Variants in WASF3 observed in about 807,000 individuals in gnomAD.
WASF3 encodes actin-binding protein WASF3.
A neutral mutation model predicts 46.6 loss-of-function variants in WASF3; 11 were observed. The observed-to-expected ratio is 0.24, with a 90% confidence interval of 0.15 to 0.39. The LOEUF is 0.39. Ranked by LOEUF, WASF3 falls within the 10% of genes least tolerant of loss-of-function variation. The pLI, the probability that WASF3 is intolerant of heterozygous loss-of-function variation, is 1.00. For missense variants in WASF3, 576 were observed against 669.8 expected (o/e 0.86, Z 1.55); for synonymous variants, 242 against 259.7 (o/e 0.93, Z 0.65).
In WASF3 at chr13:26,681,119, A is replaced by G; in HGVS notation, c.782A>G (p.Gln261Arg). 6.2e-7 allele frequency: 1 copy of G among 1,614,156 alleles called. No individual in the cohort carries two copies. The highest frequency in any genetic ancestry group is 8.5e-7 in the Non-Finnish European group (1 of 1,180,024). The change falls in exon 8 of 10, where the codon CAG (glutamine) becomes CGG (arginine). Residue 261 changes from glutamine to arginine, a missense_variant. By Grantham distance (43) the Gln-to-Arg change is conservative. Around this residue, in one of 3 missense-constraint regions of WASF3, gnomAD observed 295 missense variants for 291.5 expected, o/e 1.01. Transcript: ENST00000335327. ...ACTCCCAACCATTCTCTGCACCCCC[A>G]GCCTGTGACCCCTTCCTATGCAGCT... Reference protein sequence around the residue: ...PATPNHSLHPQPVTPSYAAGD... With the variant: ...PATPNHSLHPRPVTPSYAAGD...
chr13:26,627,675 C>G (rs140447743), intron 2 of WASF3, among the ~76,000 whole-genome samples: 101 of 152,168 alleles, frequency 6.6e-4, no homozygotes, highest in African/African-American at 2.4e-3. Context: ...GTAAAATTAG[C>G]TACCCAAGTT....
At chr13:26,557,076 T>C (rs529958574), upstream of WASF3, among the ~76,000 whole-genome samples, 6 of 152,334 alleles carry the variant, frequency 3.9e-5, no homozygotes, top group Admixed American at 2.6e-4. Flanking sequence ...CAGGGATATC[T>C]TAGTTTTAAT....
In WASF3 at chr13:26,682,502, C is replaced by A; in HGVS notation, c.984-105C>A. 1 of 1,357,284 alleles carries A rather than the reference C, an allele frequency of 7.4e-7. No homozygotes were observed. Among genetic ancestry groups the A allele is most frequent in the Non-Finnish European group, 1.0e-6 (1 of 971,142 alleles). 84.1% of individuals were successfully genotyped at this position (1,357,284 alleles called of 1,614,324 possible). ...CCTGCCATGATTGAAGTTCAGGTGA[C>A]AATACGTGTTGTGTCTGGGGATGGC... On this transcript the variant is annotated intron_variant, in intron 8 of 9. Transcript: ENST00000335327. The surrounding 1 kb of genome is among the most constrained non-coding windows in gnomAD (Gnocchi z 4.4).
At chr13:26,683,470 G>A (rs1213452018) in intron 9 of WASF3, among the ~76,000 whole-genome samples, 6 of 131,100 alleles carry the variant, frequency 4.6e-5, no homozygotes, top group African/African-American at 1.4e-4. Flanking sequence ...AGCGAGACCC[G>A]TCTCAAAAAA....
At chr13:26,633,150 G>C (rs1218745534) in intron 2 of WASF3, among the ~76,000 whole-genome samples, 2 of 147,738 alleles carry the variant, frequency 1.4e-5, no homozygotes, top group African/African-American at 5.0e-5. Context: ...TTTTTTGAAG[G>C]ATTTCTTGTG....
intron 1 of WASF3, among the ~76,000 whole-genome samples, chr13:26,584,609 A>G (rs1367050926): frequency 1.3e-5 from 2 of 152,230 alleles, no homozygotes; most frequent in Non-Finnish European, 2.9e-5. Context: ...CTTTGTAATT[A>G]CGAGGTAAAA....
At position 26,665,143 on chromosome 13, in the gene WASF3, G is replaced by A. The variant is rs761925481; in HGVS notation, c.249G>A (p.Leu83=). ...IDRLAVKVTQ[L]DSTVEEVSLQ... ...GCCTTGCTGTCAAAGTCACCCAGCT[G>A]GATTCAACAGTGGAAGAGGGTAGGT... Residue 83 remains leucine (L), a synonymous_variant, in exon 4 of 10, where the codon CTG becomes CTA. Coordinates refer to ENST00000335327, the MANE Select transcript of WASF3 (RefSeq NM_006646.6). The A allele has an allele frequency of 1.2e-5, 19 of 1,613,842 alleles. No homozygotes were observed. The highest frequency in any genetic ancestry group is 8.5e-7 in the Non-Finnish European group (1 of 1,179,998).
intron 1 of WASF3, among the ~76,000 whole-genome samples, chr13:26,567,338 C>T (rs1475997291): frequency 1.3e-5 from 2 of 152,016 alleles, no homozygotes; most frequent in Admixed American, 1.3e-4. Context: ...GCTTTAGAGA[C>T]CGAGAGAGAT....
intron 1 of WASF3, among the ~76,000 whole-genome samples, chr13:26,590,564 C>T (rs569069902): frequency 9.3e-4 from 142 of 152,238 alleles, no homozygotes; most frequent in Non-Finnish European, 1.6e-3. Flanking sequence ...TAAGCCCAGG[C>T]AGATCTCAAT....
At chr13:26,557,665 G>A (rs947061754), upstream of WASF3, 1 of 160,334 alleles carries the variant, frequency 6.2e-6, no homozygotes. Context: ...CCCGCCGGGA[G>A]GGGGCGTGGC....
At chr13:26,658,599 C>G (rs570555807) in intron 3 of WASF3, among the ~76,000 whole-genome samples, 208 of 152,324 alleles carry the variant, frequency 1.4e-3, no homozygotes, top group African/African-American at 3.9e-3. Flanking sequence ...CTGCCTTGAG[C>G]AGGAAGCATT....
At chr13:26,658,175 A>T (rs1467496764) in intron 3 of WASF3, among the ~76,000 whole-genome samples, 1 of 152,116 alleles carries the variant, frequency 6.6e-6, no homozygotes, top group African/African-American at 2.4e-5. Flanking sequence ...TGTCCCTATT[A>T]ATTAGTTTTC....
At chr13:26,548,542 A>C in the WASF3 span, among the ~76,000 whole-genome samples, 1 of 152,194 alleles carries the variant, frequency 6.6e-6, no homozygotes, top group Admixed American at 6.5e-5. Flanking sequence ...CACAAAGTAC[A>C]CAGAAGCTCT....
chr13:26,640,227 G>C (rs1881954888), intron 2 of WASF3: 1 of 152,054 alleles, frequency 6.6e-6, no homozygotes. Flanking sequence ...TTCAACATGA[G>C]ATTTGGAGAG....
At chr13:26,639,267 A>G (rs1246720148) in intron 2 of WASF3, among the ~76,000 whole-genome samples, 3 of 152,228 alleles carry the variant, frequency 2.0e-5, no homozygotes, top group Non-Finnish European at 4.4e-5. Flanking sequence ...GTATTTATAC[A>G]GGCATAGGAG....
chr13:26,594,562 T>TACTGCCCTGTTGTAGCTCCTGTATC (rs1439173237), intron 1 of WASF3, among the ~76,000 whole-genome samples: 23 of 152,208 alleles, frequency 1.5e-4, no homozygotes, highest in African/African-American at 5.6e-4. Flanking sequence ...ACGATTGTAT[T>TACTGCCCTGTTGTAGCTCCTGTATC]ACTGCCCTGT....
At chr13:26,632,875 T>A (rs996567007) in intron 2 of WASF3, among the ~76,000 whole-genome samples, 2 of 152,200 alleles carry the variant, frequency 1.3e-5, no homozygotes, top group African/African-American at 2.4e-5. Flanking sequence ...AGTCAGAGAT[T>A]CAACTTCTTC....
At chr13:26,549,204 T>C in the WASF3 span, among the ~76,000 whole-genome samples, 17 of 152,094 alleles carry the variant, frequency 1.1e-4, no homozygotes, top group African/African-American at 4.1e-4. Context: ...ATGGTCTCGA[T>C]CTCCTGACCT....
chr13:26,554,464 C>G (rs1879056640), upstream of WASF3, among the ~76,000 whole-genome samples: 1 of 152,060 alleles, frequency 6.6e-6, no homozygotes, highest in Non-Finnish European at 1.5e-5. Flanking sequence ...TGATAAAGAA[C>G]TTTTAAAAAA....
Sources: gnomAD v4.1 joint callset for allele counts (sites outside exome capture counted in the v4.1 genomes callset) on GRCh38, gnomAD v4.1.1 for gene constraint, gnomAD v4.1.1 regional missense constraint, Gnocchi (gnomAD v3.1) non-coding constraint, MANE v1.5 for transcripts, NCBI Gene and HGNC (gene_info 2026-07-23, HGNC 2026-07-21) for gene names.